The following USP34 variants were observed in gnomAD, a reference collection of about 807,000 sequenced individuals.
USP34 encodes the protein ubiquitin carboxyl-terminal hydrolase 34.
USP34 carries 70 observed loss-of-function variants against 460.3 expected under a neutral mutation model. The observed-to-expected ratio is 0.15, with a 90% CI of 0.13 to 0.19. USP34 has a LOEUF of 0.19. Ranked by LOEUF, USP34 falls within the 10% of genes least tolerant of loss-of-function variation. The pLI is 1.00. For synonymous variants in USP34, 1,647 were observed against 1,405.3 expected (o/e 1.17, Z -3.85); for missense variants, 3,985 against 4,236.2 (o/e 0.94, Z 1.65).
intron 39 of USP34, among the ~76,000 whole-genome samples, chr2:61,278,828 T>C (rs1447758371): frequency 6.6e-6 from 1 of 152,190 alleles, no homozygotes; most frequent in African/African-American, 2.4e-5. Context: ...GAAGTTTTTT[T>C]TAATGACTTT....
chr2:61,334,066 T>C, intron 18 of USP34, 95 bp from the exon 19 acceptor site: 1 of 834,810 alleles, frequency 1.2e-6, no homozygotes, highest in Non-Finnish European at 1.8e-6. Flanking sequence ...ATTTAATGAA[T>C]CTTGCATAGA....
chr2:61,209,872 T>A (rs139739208), intron 69 of USP34, among the ~76,000 whole-genome samples: 1 of 152,186 alleles, frequency 6.6e-6, no homozygotes. Flanking sequence ...GAGATACTGA[T>A]GATCCCAACC....
intron 5 of USP34, among the ~76,000 whole-genome samples, chr2:61,392,755 A>T (rs191077992): frequency 5.3e-5 from 8 of 152,348 alleles, no homozygotes; most frequent in South Asian, 2.1e-4. Flanking sequence ...TTCAAGAAAC[A>T]GTTTAATCCA....
chr2:61,201,691 A>C (rs982889860), intron 75 of USP34, among the ~76,000 whole-genome samples: 3 of 152,172 alleles, frequency 2.0e-5, no homozygotes, highest in Admixed American at 1.3e-4. Context: ...ATTCCCCTGA[A>C]AGTGTGCACT....
chr2:61,299,139 A>G (rs1690140464), intron 29 of USP34, among the ~76,000 whole-genome samples: 1 of 152,176 alleles, frequency 6.6e-6, no homozygotes, highest in Admixed American at 6.5e-5. Context: ...AGAATGTACC[A>G]TCACGTGAGA....
intron 33 of USP34, among the ~76,000 whole-genome samples, chr2:61,290,009 A>G (rs895732302): frequency 5.3e-5 from 8 of 152,194 alleles, no homozygotes; most frequent in Non-Finnish European, 1.2e-4. Flanking sequence ...AGACTTCTCC[A>G]TAATATTTAA....
chr2:61,314,792 T>G (rs368862207), intron 24 of USP34, 48 bp from the exon 25 acceptor site: 2 of 1,581,654 alleles, frequency 1.3e-6, no homozygotes, highest in African/African-American at 1.4e-5. Context: ...TATTCTTGTT[T>G]AGCTATATCA....
intron 2 of USP34, chr2:61,417,410 C>T (rs1573020647): frequency 2.1e-6 from 1 of 469,796 alleles, no homozygotes; most frequent in East Asian, 4.0e-5. Context: ...AAAGTTGTGA[C>T]AGCTATATGA....
rs1025738783 is a variant in USP34, at chr2:61,435,119, C to T, written c.44-14286G>A. Among the ~76,000 whole-genome samples, 7 of 151,666 alleles carry T rather than the reference C, an allele frequency of 4.6e-5. No individual in the cohort carries two copies. In the East Asian group the frequency reaches 5.8e-4, roughly 13 times the overall value. ...AGGAATTCAAAACCAGCCTGGGCAA[C>T]GTGGTGAGACCCCATCTCTACAAAA... is the stretch of plus-strand genomic sequence containing the variant. On this transcript the variant is annotated intron_variant, in intron 1 of 79. Coordinates refer to ENST00000398571, the MANE Select transcript of USP34 (RefSeq NM_014709.4).
intron 29 of USP34, 125 bp downstream of exon 29, chr2:61,300,823 CAAA>C: frequency 9.9e-6 from 5 of 504,898 alleles, no homozygotes; most frequent in South Asian, 4.8e-5. Context: ...AAAAAATGAA[CAAA>C]AAAAAAAAAG....
intron 2 of USP34, among the ~76,000 whole-genome samples, chr2:61,414,582 T>C (rs747834432): frequency 1.3e-5 from 2 of 152,216 alleles, no homozygotes; most frequent in Non-Finnish European, 2.9e-5. Flanking sequence ...AGATAGGAGA[T>C]GTTACCAGTG....
chr2:61,406,390 A>G (rs1408910084), intron 2 of USP34, among the ~76,000 whole-genome samples: 1 of 152,134 alleles, frequency 6.6e-6, no homozygotes, highest in African/African-American at 2.4e-5. Flanking sequence ...TACACATGGA[A>G]CTATTTAAAA....
At chr2:61,319,028 A>G (rs1690833910) in intron 22 of USP34, 145 bp downstream of exon 22, 2 of 720,024 alleles carry the variant, frequency 2.8e-6, no homozygotes, top group Non-Finnish European at 4.1e-6. Flanking sequence ...ATCTGACCAA[A>G]AATTATATTA....
At chr2:61,341,215 T>C (rs1017106394) in intron 16 of USP34, among the ~76,000 whole-genome samples, 1 of 152,242 alleles carries the variant, frequency 6.6e-6, no homozygotes, top group African/African-American at 2.4e-5. Context: ...TATGTGAATT[T>C]ATCAGTTAAT....
chr2:61,384,783 TTAA>T (rs1453892284), intron 5 of USP34, among the ~76,000 whole-genome samples: 1 of 152,040 alleles, frequency 6.6e-6, no homozygotes, highest in Non-Finnish European at 1.5e-5. Flanking sequence ...AAATACTACG[TTAA>T]TGATGAAATG....
chr2:61,461,788 A>G (rs538120018), intron 1 of USP34, among the ~76,000 whole-genome samples: 5 of 152,330 alleles, frequency 3.3e-5, no homozygotes, highest in Non-Finnish European at 7.3e-5. Context: ...AAATGTTTAT[A>G]TTTTTTGACA....
chr2:61,344,114 AC>A, intron 15 of USP34, 85 bp from the exon 16 acceptor site: 1 of 1,276,016 alleles, frequency 7.8e-7, no homozygotes, highest in Non-Finnish European at 1.1e-6. Flanking sequence ...TCTTAAACTT[AC>A]AAATACACTT....
chr2:61,191,707 G>A (rs983700995), intron 76 of USP34, among the ~76,000 whole-genome samples: 1 of 152,162 alleles, frequency 6.6e-6, no homozygotes, highest in African/African-American at 2.4e-5. Context: ...GGAGTCCTGC[G>A]ATGCAGAAGT....
chr2:61,204,028 G>A (rs1687046357), intron 74 of USP34, among the ~76,000 whole-genome samples: 1 of 151,508 alleles, frequency 6.6e-6, no homozygotes, highest in Admixed American at 6.6e-5. Flanking sequence ...TACTATTAAG[G>A]TAATTTTTGA....
Sources: gnomAD v4.1 joint callset for allele counts (sites outside exome capture counted in the v4.1 genomes callset) on GRCh38, gnomAD v4.1.1 for gene constraint, MANE v1.5 for transcripts, NCBI Gene and HGNC (gene_info 2026-07-23, HGNC 2026-07-21) for gene names.